Variants in MACROD2 observed in about 807,000 individuals in gnomAD.
The protein encoded by MACROD2 is ADP-ribose glycohydrolase MACROD2.
A neutral mutation model predicts 70.4 loss-of-function variants in MACROD2; 36 were observed. That is an observed-to-expected ratio of 0.51 (90% CI 0.39 to 0.68). The LOEUF (loss-of-function observed/expected upper bound fraction) is 0.68. MACROD2 is among the 30% of genes least tolerant of loss of function. MACROD2 has a pLI of 0.00. For synonymous variants in MACROD2, 172 were observed against 178.8 expected, an observed-to-expected ratio of 0.96 and a Z score of 0.30; for missense variants, 496 against 538.4, an observed-to-expected ratio of 0.92 and a Z score of 0.78.
At chr20:15,522,180 G>C (rs961504886) in intron 8 of MACROD2, among the ~76,000 whole-genome samples, 9 of 152,162 alleles carry the variant, frequency 5.9e-5, no homozygotes, top group Non-Finnish European at 1.0e-4. Context: ...CCAACTCTGT[G>C]CTTGCATAGC....
chr20:14,539,893 A>G (rs2085410393), intron 4 of MACROD2, among the ~76,000 whole-genome samples: 3 of 152,200 alleles, frequency 2.0e-5, no homozygotes, highest in Admixed American at 6.5e-5. Flanking sequence ...GGAAAGCATT[A>G]GATGTAATGG....
chr20:15,528,503 A>G (rs749097117), intron 8 of MACROD2, among the ~76,000 whole-genome samples: 9 of 152,130 alleles, frequency 5.9e-5, no homozygotes, highest in Non-Finnish European at 1.2e-4. Context: ...TCTTACCACA[A>G]AGGATTATCT....
intron 4 of MACROD2, among the ~76,000 whole-genome samples, chr20:14,655,700 A>G (rs1600504891): frequency 6.6e-6 from 1 of 152,096 alleles, no homozygotes; most frequent in African/African-American, 2.4e-5. Flanking sequence ...CCTTTCAGGG[A>G]TGTATGTAAA....
At chr20:14,653,067 C>T (rs908500655) in intron 4 of MACROD2, among the ~76,000 whole-genome samples, 2 of 152,088 alleles carry the variant, frequency 1.3e-5, no homozygotes, top group African/African-American at 2.4e-5. Context: ...AAATGAGGGC[C>T]ATATAACTCA....
At chr20:14,561,380 T>G (rs1020388068) in intron 4 of MACROD2, among the ~76,000 whole-genome samples, 7 of 151,862 alleles carry the variant, frequency 4.6e-5, no homozygotes, top group African/African-American at 1.7e-4. Flanking sequence ...TAGAAACCAC[T>G]GTAAGCTTAG....
At chr20:14,443,564 TG>T (rs1166123053) in intron 3 of MACROD2, among the ~76,000 whole-genome samples, 1 of 152,124 alleles carries the variant, frequency 6.6e-6, no homozygotes. Flanking sequence ...CCCAAAGTGC[TG>T]GGATTACAGG....
intron 5 of MACROD2, among the ~76,000 whole-genome samples, chr20:14,901,966 A>C (rs1037158976): frequency 6.6e-6 from 1 of 152,138 alleles, no homozygotes; most frequent in Admixed American, 6.5e-5. Flanking sequence ...GCTTTCACAC[A>C]AAATTGGTAT....
At chr20:14,159,765 A>G (rs2055156792) in intron 3 of MACROD2, among the ~76,000 whole-genome samples, 1 of 152,102 alleles carries the variant, frequency 6.6e-6, no homozygotes, top group Non-Finnish European at 1.5e-5. Context: ...ATTGTGTTAA[A>G]TGGGAGTGGT....
intron 3 of MACROD2, among the ~76,000 whole-genome samples, chr20:14,322,103 G>C (rs1601472720): frequency 1.4e-5 from 2 of 144,268 alleles, no homozygotes; most frequent in East Asian, 4.0e-4. Flanking sequence ...TTTAGTTTGG[G>C]ATGCATGGAA....
At chr20:15,696,974 A>G (rs1433643587) in intron 8 of MACROD2, among the ~76,000 whole-genome samples, 3 of 151,946 alleles carry the variant, frequency 2.0e-5, no homozygotes, top group African/African-American at 7.2e-5. Context: ...CTAATGGTCT[A>G]TCAATTTTAT....
At chr20:14,383,524 T>C (rs1316287308) in intron 3 of MACROD2, among the ~76,000 whole-genome samples, 1 of 152,174 alleles carries the variant, frequency 6.6e-6, no homozygotes, top group Admixed American at 6.5e-5. Context: ...ATCTGTAAAA[T>C]AGAGGACTGA....
At chr20:15,069,508 C>T (rs1194329244) in intron 5 of MACROD2, among the ~76,000 whole-genome samples, 1 of 152,136 alleles carries the variant, frequency 6.6e-6, no homozygotes, top group Non-Finnish European at 1.5e-5. Context: ...CATCACAGGC[C>T]CAGAGACCTA....
At chr20:15,608,226 T>C (rs2048920296) in intron 8 of MACROD2, among the ~76,000 whole-genome samples, 1 of 152,218 alleles carries the variant, frequency 6.6e-6, no homozygotes, top group African/African-American at 2.4e-5. Flanking sequence ...ACCTCTGTGA[T>C]TAAAATATTT....
intron 8 of MACROD2, among the ~76,000 whole-genome samples, chr20:15,781,385 C>A (rs951659179): frequency 2.6e-5 from 4 of 152,106 alleles, no homozygotes; most frequent in Admixed American, 1.3e-4. Context: ...TGGCCCTGGG[C>A]AAATGTCTGT....
intron 8 of MACROD2, among the ~76,000 whole-genome samples, chr20:15,754,725 T>C (rs1446938251): frequency 6.8e-6 from 1 of 147,352 alleles, no homozygotes; most frequent in African/African-American, 2.5e-5. Context: ...ACAGAACCCA[T>C]CTCAGTGGCA....
intron 5 of MACROD2, among the ~76,000 whole-genome samples, chr20:15,061,016 C>G (rs539759657): frequency 1.3e-5 from 2 of 152,228 alleles, no homozygotes; most frequent in South Asian, 4.2e-4. Context: ...GGTGAAAGCT[C>G]AGAGAAGTTA....
chr20:15,261,861 T>C (rs900840526), intron 6 of MACROD2, among the ~76,000 whole-genome samples: 2 of 151,992 alleles, frequency 1.3e-5, no homozygotes, highest in African/African-American at 2.4e-5. Flanking sequence ...TAATGCACAG[T>C]GGGAACTGCC....
At chr20:15,429,231 GT>G (rs1454371333) in intron 6 of MACROD2, among the ~76,000 whole-genome samples, 2 of 152,122 alleles carry the variant, frequency 1.3e-5, no homozygotes, top group African/African-American at 4.8e-5. Flanking sequence ...GTGTTACACT[GT>G]TGCTTCATGA....
chr20:15,604,185 A>C (rs968399298), intron 8 of MACROD2, among the ~76,000 whole-genome samples: 4 of 152,162 alleles, frequency 2.6e-5, no homozygotes, highest in South Asian at 2.1e-4. Flanking sequence ...AATGGCCCAA[A>C]CCAGAGAGTT....
Sources: allele counts gnomAD v4.1 joint callset (sites outside exome capture counted in the v4.1 genomes callset), GRCh38; gene constraint gnomAD v4.1.1; transcripts MANE v1.5; gene names NCBI Gene and HGNC (gene_info 2026-07-23, HGNC 2026-07-21).